CSNK1A1: variants seen among roughly 807,000 people sequenced by gnomAD.
The protein encoded by CSNK1A1 is casein kinase 1 alpha 1, also known as casein kinase I isoform alpha.
CSNK1A1 carries 7 observed loss-of-function variants against 46.1 expected under a neutral mutation model. That is an observed-to-expected ratio of 0.15 (90% confidence interval 0.09 to 0.29). The LOEUF (loss-of-function observed/expected upper bound fraction) is 0.29. CSNK1A1 is among the 10% of genes least tolerant of loss of function. The pLI, the probability that CSNK1A1 is intolerant of heterozygous loss-of-function variation, is 1.00. For synonymous variants in CSNK1A1, 137 were observed against 141.5 expected, an observed-to-expected ratio of 0.97 and a Z score of 0.23; for missense variants, 96 against 417.1, an observed-to-expected ratio of 0.23 and a Z score of 6.71.
In CSNK1A1 at chr5:149,549,723, C is replaced by T. The variant is rs374916429; in HGVS notation, c.230+352G>A. Reference sequence around the variant, plus strand: ...CGGGTCGCTTCGGCACCTTCAAATCCACTTCACTGGACAAACCTAAGTACA... The same window carrying T: ...CGGGTCGCTTCGGCACCTTCAAATCTACTTCACTGGACAAACCTAAGTACA... On this transcript the variant is annotated intron_variant, in intron 2 of 9. Coordinates refer to ENST00000377843, the MANE Select transcript of CSNK1A1 (RefSeq NM_001892.6). 3.3e-5 allele frequency among the ~76,000 whole-genome samples: 5 copies of T among 152,292 alleles called. No individual in the cohort carries two copies. The East Asian group carries it at 5.8e-4, about 18-fold the overall frequency.
In CSNK1A1 at chr5:149,544,437, AG is replaced by A. The variant is rs538494556; in HGVS notation, c.230+5637del. On this transcript the variant is annotated intron_variant, in intron 2 of 9. Coordinates refer to ENST00000377843, the MANE Select transcript of CSNK1A1 (RefSeq NM_001892.6). ...CAGCGCTTTGGGAGGCTGAGGCAGG[AG>A]AAGTACTTGAGCTCAGGAATGCAAG... Among the ~76,000 whole-genome samples the A allele has an allele frequency of 8.2e-4, 125 of 152,114 alleles. 2 individuals carry two copies. The highest frequency in any genetic ancestry group is 2.7e-3 in the African/African-American group (114 of 41,492).
intron 3 of CSNK1A1, among the ~76,000 whole-genome samples, chr5:149,521,615 A>ATTTT (rs879396057): frequency 1.5e-5 from 2 of 136,554 alleles, no homozygotes; most frequent in Non-Finnish European, 3.2e-5. Context: ...TTCCATGAGG[A>ATTTT]TTTTTTTTTT....
intron 7 of CSNK1A1, among the ~76,000 whole-genome samples, chr5:149,508,050 T>C (rs1279502650): frequency 2.0e-5 from 3 of 152,256 alleles, no homozygotes; most frequent in Non-Finnish European, 4.4e-5. Flanking sequence ...AACCTCTATA[T>C]CTCCTCTCCT....
At chr5:149,513,972 C>CT (rs1761317404) in intron 4 of CSNK1A1, among the ~76,000 whole-genome samples, 1 of 151,656 alleles carries the variant, frequency 6.6e-6, no homozygotes, top group African/African-American at 2.4e-5. Flanking sequence ...TTAAATGTGC[C>CT]AACAGAATAC....
At chr5:149,521,653 G>A (rs1351137673) in intron 3 of CSNK1A1, among the ~76,000 whole-genome samples, 1 of 149,518 alleles carries the variant, frequency 6.7e-6, no homozygotes, top group African/African-American at 2.5e-5. Context: ...CACTCACTCT[G>A]CTGCCCAGGC....
chr5:149,503,591 C>T, intron 9 of CSNK1A1: 1 of 984,874 alleles, frequency 1.0e-6, no homozygotes, highest in Non-Finnish European at 1.2e-6. Flanking sequence ...TTTTAAGTTG[C>T]TTTTACAAAA....
intron 4 of CSNK1A1, among the ~76,000 whole-genome samples, chr5:149,518,966 G>T (rs1211287027): frequency 6.6e-6 from 1 of 151,958 alleles, no homozygotes. Flanking sequence ...AAGAAGATTG[G>T]AGTCAAATGG....
intron 4 of CSNK1A1, among the ~76,000 whole-genome samples, chr5:149,518,894 A>G (rs1761478625): frequency 6.6e-6 from 1 of 152,064 alleles, no homozygotes; most frequent in South Asian, 2.1e-4. Flanking sequence ...AATAGGAATC[A>G]CATGGTGATA....
At chr5:149,549,994 G>A in intron 2 of CSNK1A1, 81 bp downstream of exon 2, 1 of 1,505,630 alleles carries the variant, frequency 6.6e-7, no homozygotes, top group Non-Finnish European at 9.0e-7. Context: ...CCCGGATTCA[G>A]CTGGTCTCAT....
intron 4 of CSNK1A1, among the ~76,000 whole-genome samples, chr5:149,519,606 T>C (rs1046829589): frequency 6.6e-6 from 1 of 152,174 alleles, no homozygotes; most frequent in Non-Finnish European, 1.5e-5. Context: ...ACCCCATAAG[T>C]TGAACCACTC....
At chr5:149,497,378 C>A (rs766828519) in intron 9 of CSNK1A1, 1 of 985,910 alleles carries the variant, frequency 1.0e-6, no homozygotes, top group African/African-American at 1.7e-5. Flanking sequence ...TGTAGAGAAA[C>A]CTTAGACCTT....
At chr5:149,545,640 A>T in intron 2 of CSNK1A1, 1 of 905,372 alleles carries the variant, frequency 1.1e-6, no homozygotes, top group Non-Finnish European at 1.8e-6. Context: ...TGCTAGCCTC[A>T]GCAAGTGCAC....
chr5:149,500,089 C>T (rs1760790293), intron 9 of CSNK1A1, among the ~76,000 whole-genome samples: 1 of 147,274 alleles, frequency 6.8e-6, no homozygotes, highest in Non-Finnish European at 1.5e-5. Context: ...CTGCCTCAGC[C>T]TCTCAAGTAG....
At chr5:149,547,773 T>C (rs1197178263) in intron 2 of CSNK1A1, among the ~76,000 whole-genome samples, 2 of 152,134 alleles carry the variant, frequency 1.3e-5, no homozygotes, top group East Asian at 3.9e-4. Flanking sequence ...TTCTTCCAAA[T>C]GATTTACTTG....
intron 9 of CSNK1A1, chr5:149,501,669 G>A (rs1264425690): frequency 4.1e-6 from 4 of 985,202 alleles, no homozygotes; most frequent in Non-Finnish European, 4.8e-6. Context: ...TGAGAGTACA[G>A]AATAGTAGAA....
chr5:149,514,364 A>G (rs1307720023), intron 4 of CSNK1A1, among the ~76,000 whole-genome samples: 1 of 152,180 alleles, frequency 6.6e-6, no homozygotes, highest in African/African-American at 2.4e-5. Context: ...GAAATCCAAA[A>G]CATATTCATA....
rs1760660490 is a variant in CSNK1A1 at position 149,496,571 on chromosome 5, A to T, written c.*282T>A. ...TTTCTCCACCAATTTTTGTGTGTCA[A>T]CCATTTAGTTAACTTTTCCACTTGA... On this transcript the variant is annotated 3_prime_UTR_variant, in exon 10 of 10. Coordinates refer to ENST00000377843, the MANE Select transcript of CSNK1A1 (RefSeq NM_001892.6). The T allele has an allele frequency of 2.4e-6, 1 of 415,222 alleles. No homozygotes were observed. Among genetic ancestry groups the T allele is most frequent in the South Asian group, 6.9e-5 (1 of 14,416 alleles). The allele number at this position is 415,222 out of a possible 1,614,324, so 25.7% of individuals were successfully genotyped here. A position where few individuals can be genotyped will look rare whatever the true frequency, so the allele number is the denominator to read the frequency against.
chr5:149,506,962 T>G, intron 8 of CSNK1A1, 65 bp downstream of exon 8: 4 of 1,195,496 alleles, frequency 3.3e-6, no homozygotes, highest in Non-Finnish European at 4.8e-6. Context: ...AGAATGAATT[T>G]GTTAGGTAAA....
chr5:149,542,692 A>ATTT (rs869143376), intron 2 of CSNK1A1, among the ~76,000 whole-genome samples: 1 of 16,188 alleles, frequency 6.2e-5, no homozygotes. Flanking sequence ...ATATATATAT[A>ATTT]TTTTTTTTTT....
Sources: allele counts gnomAD v4.1 joint callset (sites outside exome capture counted in the v4.1 genomes callset), GRCh38; gene constraint gnomAD v4.1.1; transcripts MANE v1.5; gene names NCBI Gene and HGNC (gene_info 2026-07-23, HGNC 2026-07-21).